TTC21A: variants seen among roughly 807,000 people sequenced by gnomAD.
The protein encoded by TTC21A is tetratricopeptide repeat protein 21A.
TTC21A carries 128 observed loss-of-function variants against 156.4 expected under a neutral mutation model. The observed-to-expected ratio is 0.82, with a 90% confidence interval of 0.71 to 0.95. The LOEUF (loss-of-function observed/expected upper bound fraction) is 0.95, where lower values mean the gene tolerates loss of function less well. TTC21A is among the 40% of genes least tolerant of loss of function. TTC21A has a pLI of 0.00. For missense variants in TTC21A, 1,435 were observed against 1,602.3 expected, an observed-to-expected ratio of 0.90 and a Z score of 1.78; for synonymous variants, 587 against 617.1, an observed-to-expected ratio of 0.95 and a Z score of 0.72.
chr3:39,137,103 C>T (rs1016016268), intron 24 of TTC21A, 43 bp downstream of exon 24: 1 of 1,602,986 alleles, frequency 6.2e-7, no homozygotes, highest in Non-Finnish European at 8.5e-7. Context: ...GGGGAAGTTA[C>T]AGAAAGCCTG....
chr3:39,110,825 C>G (rs1413443202), intron 3 of TTC21A, 26 bp from the exon 4 acceptor site: 13 of 1,612,850 alleles, frequency 8.1e-6, no homozygotes, highest in Admixed American at 1.7e-5. Flanking sequence ...CTAACTCTCC[C>G]TCTTCCTTCG....
chr3:39,112,383 G>A, intron 4 of TTC21A, 75 bp from the exon 5 acceptor site: 1 of 1,541,978 alleles, frequency 6.5e-7, no homozygotes, highest in Non-Finnish European at 8.9e-7. Flanking sequence ...GGGTGGCAAA[G>A]TGTGGATCAT....
chr3:39,110,733 G>C (rs2036745589), intron 3 of TTC21A, 118 bp from the exon 4 acceptor site: 1 of 1,044,292 alleles, frequency 9.6e-7, no homozygotes, highest in Non-Finnish European at 1.4e-6. Flanking sequence ...TGTTGAAGGA[G>C]ATCCACAGTG....
At chr3:39,136,182 C>G (rs887701144) in intron 22 of TTC21A, 175 bp from the exon 23 acceptor site, 6 of 581,590 alleles carry the variant, frequency 1.0e-5, no homozygotes, top group Non-Finnish European at 1.8e-5. Flanking sequence ...TATTTTTAAG[C>G]ATTAGTATTA....
At chr3:39,123,466 A>G (rs1191017626) in intron 9 of TTC21A, among the ~76,000 whole-genome samples, 1 of 152,250 alleles carries the variant, frequency 6.6e-6, no homozygotes, top group African/African-American at 2.4e-5. Flanking sequence ...GCCTTATTTC[A>G]AACTAATAGG....
At position 39,131,039 on chromosome 3, in the gene TTC21A, C is replaced by A. The variant is rs780063859; in HGVS notation, c.2506C>A (p.Leu836Met). The A allele has an allele frequency of 1.2e-6, 2 of 1,613,486 alleles. No individual in the cohort carries two copies. Among genetic ancestry groups the A allele is most frequent in the African/African-American group, 2.7e-5 (2 of 74,886 alleles). The part of the protein sequence containing the change: ...MMNDVKCLLL[L>M]AKVYKSHKKE... ...GAATGATGTTAAGTGCCTGCTTTTGCTGGCAAAGGTTTACAAGAGCCATAA... is the reference window on the plus strand; with the variant it reads ...GAATGATGTTAAGTGCCTGCTTTTGATGGCAAAGGTTTACAAGAGCCATAA... The change falls in exon 19 of 29, where the codon CTG (leucine) becomes ATG (methionine). Residue 836 changes from leucine (L) to methionine (M), a missense_variant. Transcript: ENST00000683103.
rs763274682 is a variant in TTC21A, at chr3:39,130,801, C to T, written c.2420C>T (p.Ala807Val). 2.5e-6 allele frequency: 4 copies of T among 1,614,156 alleles called. No individual in the cohort carries two copies. The East Asian group carries it at 6.7e-5, about 27-fold the overall frequency. ...CTGAAGTTAAAGAAGGTCAATAAAG[C>T]AGAAAAAGTTTTGAAGCAGGCACTG... is the stretch of plus-strand genomic sequence containing the variant. The part of the protein sequence containing the change: ...LLLKLKKVNK[A>V]EKVLKQALEH... Residue 807 changes from alanine to valine, a missense_variant, in exon 18 of 29, where the codon GCA (alanine) becomes GTA (valine). Ala to Val is a moderately conservative substitution (Grantham distance 64). Transcript: ENST00000683103. This position sits in a 1 kb window ranked among gnomAD's most constrained non-coding sequence, Gnocchi z 4.5.
At chr3:39,124,056 T>C (rs2037997324) in intron 9 of TTC21A, among the ~76,000 whole-genome samples, 1 of 152,226 alleles carries the variant, frequency 6.6e-6, no homozygotes, top group Non-Finnish European at 1.5e-5. Flanking sequence ...TTGATAGTAA[T>C]ATAAGTTCAA....
Position 39,136,389 on chromosome 3 carries a change from C to G in TTC21A, c.2977C>G (p.Leu993Val), listed in dbSNP as rs2039117075. 7 of 1,613,370 alleles carry G rather than the reference C, an allele frequency of 4.3e-6. No individual in the cohort carries two copies. The highest frequency in any genetic ancestry group is 5.1e-6 in the Non-Finnish European group (6 of 1,179,796). ...TTTGGTATTGCATAAATTAATCGATCTGCTAAGAAGAAGTGGAAAACTTGA... is the reference window on the plus strand; with the variant it reads ...TTTGGTATTGCATAAATTAATCGATGTGCTAAGAAGAAGTGGAAAACTTGA... Reference protein sequence around the residue: ...NFLVLHKLIDLLRRSGKLEDI... With the variant: ...NFLVLHKLIDVLRRSGKLEDI... The change falls in exon 23 of 29, where the codon CTG (leucine) becomes GTG (valine). Residue 993 changes from leucine to valine, a missense_variant. Coordinates refer to ENST00000683103, the MANE Select transcript of TTC21A (RefSeq NM_001366900.1).
At chr3:39,117,548 C>G (rs2125780933) in intron 6 of TTC21A, among the ~76,000 whole-genome samples, 1 of 152,334 alleles carries the variant, frequency 6.6e-6, no homozygotes, top group East Asian at 1.9e-4. Context: ...GTCTCTGGCA[C>G]CATGGTCATG....
In TTC21A at chr3:39,137,543, A is replaced by T. The variant is rs1032653788; in HGVS notation, c.3508A>T (p.Ile1170Phe). 3 of 1,614,098 alleles carry T rather than the reference A, an allele frequency of 1.9e-6. No individual in the cohort carries two copies. Among genetic ancestry groups the T allele is most frequent in the Non-Finnish European group, 1.7e-6 (2 of 1,180,044 alleles). The change falls in exon 26 of 29, where the codon ATC becomes TTC. Residue 1170 changes from isoleucine to phenylalanine, a missense_variant. Coordinates refer to ENST00000683103, the MANE Select transcript of TTC21A (RefSeq NM_001366900.1). The stretch of plus-strand genomic sequence containing the variant: ...ACAAGCCTACGTGTTCCTGAAGCAG[A>T]TCCCCAAGGCGCGTATGCAGTTGAA... ...LAQAYVFLKQ[I>F]PKARMQLKRL...
intron 13 of TTC21A, 95 bp downstream of exon 13, chr3:39,128,583 C>G: frequency 6.3e-7 from 1 of 1,576,748 alleles, no homozygotes; most frequent in Non-Finnish European, 8.6e-7. Flanking sequence ...AGCTGTGTCC[C>G]GTAGATCTTT....
At chr3:39,110,651 C>A (rs1051153237) in intron 3 of TTC21A, among the ~76,000 whole-genome samples, 200 bp from the exon 4 acceptor site, 1 of 152,214 alleles carries the variant, frequency 6.6e-6, no homozygotes, top group African/African-American at 2.4e-5. Context: ...CACACCAGGG[C>A]AGCCCCTGCA....
At chr3:39,136,745 A>G in intron 23 of TTC21A, 154 bp from the exon 24 acceptor site, 1 of 1,075,974 alleles carries the variant, frequency 9.3e-7, no homozygotes, top group Non-Finnish European at 1.3e-6. Flanking sequence ...TGCATCCAAC[A>G]CACAGGTCCG....
intron 21 of TTC21A, 64 bp from the exon 22 acceptor site, chr3:39,135,029 T>TC: frequency 1.3e-6 from 1 of 793,356 alleles, no homozygotes; most frequent in Non-Finnish European, 2.0e-6. Flanking sequence ...ACCCCCCGCC[T>TC]CCCCCTACAC....
rs764738378 is a variant in TTC21A at position 39,121,027 on chromosome 3, G to A, written c.931G>A (p.Val311Met). 2 of 1,612,464 alleles carry A rather than the reference G, an allele frequency of 1.2e-6. No individual in the cohort carries two copies. The highest frequency in any genetic ancestry group is 1.7e-6 in the Non-Finnish European group (2 of 1,179,012). Residue 311 changes from valine to methionine, a missense_variant, in exon 9 of 29, where the codon GTG (valine) becomes ATG (methionine). Coordinates refer to ENST00000683103, the MANE Select transcript of TTC21A (RefSeq NM_001366900.1). Reference protein sequence around the residue: ...CGSHQVILGLVCSFIERTFMA... With the variant: ...CGSHQVILGLMCSFIERTFMA... ...GAGTCACCAGGTGATTCTAGGGCTA[G>A]TGTGTAGTTTCATCGAGCGCACCTT... is the stretch of plus-strand genomic sequence containing the variant.
At position 39,125,313 on chromosome 3, in the gene TTC21A, T is replaced by A; in HGVS notation, c.1192-19T>A. 1.2e-6 allele frequency: 2 copies of A among 1,611,780 alleles called. No homozygotes were observed. Among genetic ancestry groups the A allele is most frequent in the Non-Finnish European group, 1.7e-6 (2 of 1,178,672 alleles). On this transcript the variant is annotated intron_variant, in intron 10 of 28. Coordinates refer to ENST00000683103, the MANE Select transcript of TTC21A (RefSeq NM_001366900.1). ...CCCAGGCTGACATTGGCACTGAGAC[T>A]CGGTCCTCTCTTCCACAGGTGCTAA...
Position 39,118,012 on chromosome 3 carries a change from C to T in TTC21A, c.717-57C>T, listed in dbSNP as rs577207527. 11 of 1,284,252 alleles carry T rather than the reference C, an allele frequency of 8.6e-6. No individual in the cohort carries two copies. The African/African-American group carries it at 1.0e-4, about 12-fold the overall frequency. The allele number at this position is 1,284,252 out of a possible 1,614,324, so 79.6% of individuals were successfully genotyped here. A position where few individuals can be genotyped will look rare whatever the true frequency, so the allele number is the denominator to read the frequency against. On this transcript the variant is annotated intron_variant, in intron 6 of 28. Coordinates refer to ENST00000683103, the MANE Select transcript of TTC21A (RefSeq NM_001366900.1). ...AGACAATCAGAAGTCGCCAACACACCATCCCAGCTTTGCCTATCAATACTC... is the reference window on the plus strand; with the variant it reads ...AGACAATCAGAAGTCGCCAACACACTATCCCAGCTTTGCCTATCAATACTC...
intron 13 of TTC21A, 89 bp from the exon 14 acceptor site, chr3:39,128,628 C>A: frequency 6.4e-7 from 1 of 1,556,928 alleles, no homozygotes; most frequent in Non-Finnish European, 8.8e-7. Flanking sequence ...GCTCAGTGGG[C>A]TCCTGAGGCT....
Sources: allele counts gnomAD v4.1 joint callset (sites outside exome capture counted in the v4.1 genomes callset), GRCh38; gene constraint gnomAD v4.1.1; non-coding constraint Gnocchi (gnomAD v3.1); transcripts MANE v1.5; gene names NCBI Gene and HGNC (gene_info 2026-07-23, HGNC 2026-07-21).